SPNS2: variants seen among roughly 807,000 people sequenced by gnomAD.
The protein encoded by SPNS2 is sphingosine-1-phosphate transporter SPNS2.
SPNS2 carries 37 observed loss-of-function variants against 57.6 expected under a neutral mutation model. The ratio of observed to expected loss-of-function variants is 0.64; its 90% confidence interval spans 0.49 to 0.85. The LOEUF (loss-of-function observed/expected upper bound fraction) is 0.85, where lower values mean the gene tolerates loss of function less well. Ranked by LOEUF, SPNS2 falls within the 40% of genes least tolerant of loss-of-function variation. The probability of loss-of-function intolerance (pLI) is 0.00; values close to 1 mark genes in which losing one functional copy is unlikely to be tolerated. For missense variants in SPNS2, 831 were observed against 779.1 expected (o/e 1.07, Z -0.79); for synonymous variants, 440 against 346.9 (o/e 1.27, Z -2.98).
chr17:4,500,175 G>A (rs1904436853), intron 1 of SPNS2, among the ~76,000 whole-genome samples: 1 of 152,214 alleles, frequency 6.6e-6, no homozygotes, highest in Non-Finnish European at 1.5e-5. Flanking sequence ...AGCATCTCTG[G>A]GAATCAGCCT....
intron 1 of SPNS2, among the ~76,000 whole-genome samples, chr17:4,503,114 G>A (rs987447852): frequency 1.3e-5 from 2 of 152,166 alleles, no homozygotes; most frequent in South Asian, 2.1e-4. Context: ...TGCGCAGATG[G>A]GAACACAGCC....
chr17:4,499,190 C>T lies in SPNS2; in HGVS notation c.143C>T (p.Ala48Val). Residue 48 changes from alanine to valine, a missense_variant, in exon 1 of 13, where the codon GCT becomes GTT. Physicochemically the swap from Ala to Val is moderately conservative, Grantham distance 64. Coordinates refer to ENST00000329078, the MANE Select transcript of SPNS2 (RefSeq NM_001124758.3). This position sits in a 1 kb window ranked among gnomAD's most constrained non-coding sequence, Gnocchi z 5.2. ...GCCGARGAGG[A>V]GVSAAGDEVQ... ...TGCGGGGCGCGGGGCGCGGGCGGCG[C>T]TGGAGTCTCGGCCGCGGGCGATGAG... 2 of 1,349,790 alleles carry T rather than the reference C, an allele frequency of 1.5e-6. No individual in the cohort carries two copies. Among genetic ancestry groups the T allele is most frequent in the Non-Finnish European group, 1.9e-6 (2 of 1,051,316 alleles). The allele number at this position is 1,349,790 out of a possible 1,614,324, so 83.6% of individuals were successfully genotyped here.
intron 1 of SPNS2, among the ~76,000 whole-genome samples, chr17:4,508,525 A>G (rs890405634): frequency 6.6e-6 from 1 of 152,084 alleles, no homozygotes; most frequent in Non-Finnish European, 1.5e-5. Flanking sequence ...GTGAAAAGTC[A>G]TGGCTAGCAG....
At chr17:4,527,254 A>G (rs1905283139) in intron 3 of SPNS2, among the ~76,000 whole-genome samples, 1 of 152,268 alleles carries the variant, frequency 6.6e-6, no homozygotes, top group South Asian at 2.1e-4. Flanking sequence ...GAACATTGTG[A>G]AAAAATAACA....
At chr17:4,530,984 A>C in intron 4 of SPNS2, 69 bp from the exon 5 acceptor site, 1 of 1,577,294 alleles carries the variant, frequency 6.3e-7, no homozygotes, top group South Asian at 1.1e-5. Flanking sequence ...CCTGCCTTGC[A>C]GACCAGCGGG....
chr17:4,538,836 C>T lies in SPNS2; in HGVS notation c.*1388C>T. 2.6e-6 allele frequency: 2 copies of T among 777,778 alleles called. No homozygotes were observed. Among genetic ancestry groups the T allele is most frequent in the Admixed American group, 1.7e-5 (1 of 58,568 alleles). The allele number at this position is 777,778 out of a possible 1,614,324, so 48.2% of individuals were successfully genotyped here. A position where few individuals can be genotyped will look rare whatever the true frequency, so the allele number is the denominator to read the frequency against. Reference sequence around the variant, plus strand: ...GTGGCATCCTCCAAAGACCAGCCTCCACCCCCACTCCAGCCTCAGCGGGGC... The same window carrying T: ...GTGGCATCCTCCAAAGACCAGCCTCTACCCCCACTCCAGCCTCAGCGGGGC... On this transcript the variant is annotated 3_prime_UTR_variant, in exon 13 of 13. Coordinates refer to ENST00000329078, the MANE Select transcript of SPNS2 (RefSeq NM_001124758.3).
intron 11 of SPNS2, 73 bp downstream of exon 11, chr17:4,536,499 C>A: frequency 6.6e-7 from 1 of 1,514,986 alleles, no homozygotes. Flanking sequence ...GTGAGCCCTG[C>A]CCTGGGGTGG....
At chr17:4,536,029 C>G in intron 9 of SPNS2, 47 bp from the exon 10 acceptor site, 1 of 1,559,338 alleles carries the variant, frequency 6.4e-7, no homozygotes, top group Non-Finnish European at 8.7e-7. Flanking sequence ...GGGCCAAGCG[C>G]GTGAGCCTTT....
At chr17:4,536,986 A>T (rs1459237770) in intron 12 of SPNS2, 40 bp downstream of exon 12, 1 of 1,608,096 alleles carries the variant, frequency 6.2e-7, no homozygotes, top group African/African-American at 1.3e-5. Context: ...CTCCCTAAGG[A>T]AAGGGGAAGG....
chr17:4,512,822 G>A lies in SPNS2; in HGVS notation c.371-425G>A, dbSNP rs1358853646. ...CCAGAGTGAGCGGCTGCCCCTCCCA[G>A]GCCAGAGGGCTCCCCGCAGCTTTCA... On this transcript the variant is annotated intron_variant, in intron 1 of 12. Transcript: ENST00000329078. The surrounding 1 kb of genome is among the most constrained non-coding windows in gnomAD (Gnocchi z 5.2). Among the ~76,000 whole-genome samples, 2 of 144,728 alleles carry A rather than the reference G, an allele frequency of 1.4e-5. No individual in the cohort carries two copies. Among genetic ancestry groups the A allele is most frequent in the Non-Finnish European group, 3.2e-5 (2 of 62,344 alleles). 94.9% of individuals were successfully genotyped at this position (144,728 alleles called of 152,430 possible).
chr17:4,516,765 G>T lies in SPNS2; in HGVS notation c.436+3453G>T, dbSNP rs1281366739. Among the ~76,000 whole-genome samples, 3 of 152,328 alleles carry T rather than the reference G, an allele frequency of 2.0e-5. No individual in the cohort carries two copies. In the East Asian group the frequency reaches 5.8e-4, roughly 29 times the overall value. On this transcript the variant is annotated intron_variant, in intron 2 of 12. Coordinates refer to ENST00000329078, the MANE Select transcript of SPNS2 (RefSeq NM_001124758.3). ...AAACATGTTGAAATTACAAAGCTGA[G>T]CTTGACAGCTAAAGCTAGCAGGGAA...
intron 2 of SPNS2, 40 bp from the exon 3 acceptor site, chr17:4,525,017 A>C: frequency 6.2e-7 from 1 of 1,600,276 alleles, no homozygotes; most frequent in Non-Finnish European, 8.6e-7. Context: ...GCCGGGGCGC[A>C]GGGACCTGGG....
intron 9 of SPNS2, among the ~76,000 whole-genome samples, chr17:4,535,343 C>T (rs1314660862): frequency 6.6e-6 from 1 of 152,174 alleles, no homozygotes; most frequent in Non-Finnish European, 1.5e-5. Context: ...GCCTCACCAG[C>T]TCCTGTCCCA....
At chr17:4,533,222 C>T (rs773968730) in intron 7 of SPNS2, 21 bp from the exon 8 acceptor site, 1 of 1,586,444 alleles carries the variant, frequency 6.3e-7, no homozygotes, top group East Asian at 2.3e-5. Flanking sequence ...ACTCGTGCGC[C>T]ACCATCCTCT....
rs772818866 is a variant in SPNS2 at position 4,538,979 on chromosome 17, A to C, written c.*1531A>C. 1 of 798,356 alleles carries C rather than the reference A, an allele frequency of 1.3e-6. No homozygotes were observed. The highest frequency in any genetic ancestry group is 2.3e-6 in the Non-Finnish European group (1 of 433,984). 49.5% of individuals were successfully genotyped at this position (798,356 alleles called of 1,614,324 possible). A position where few individuals can be genotyped will look rare whatever the true frequency, so the allele number is the denominator to read the frequency against. On this transcript the variant is annotated 3_prime_UTR_variant, in exon 13 of 13. Transcript: ENST00000329078. The stretch of plus-strand genomic sequence containing the variant: ...TGCTGATTGTGAATCTCAGAGTCTT[A>C]AGAGAGAAGCCAAATATATTCCTCT...
Position 4,536,155 on chromosome 17 carries a change from G to T in SPNS2, c.1424G>T (p.Ser475Ile). ...FTSHLLGDAG[S>I]PYLIGFISDL... ...TCCCACCTGCTGGGGGACGCCGGGAGCCCCTACCTCATTGGCTTTGTGAGT... is the reference window on the plus strand; with the variant it reads ...TCCCACCTGCTGGGGGACGCCGGGATCCCCTACCTCATTGGCTTTGTGAGT... The change falls in exon 10 of 13, where the codon AGC (serine) becomes ATC (isoleucine). Residue 475 changes from serine (S) to isoleucine (I), a missense_variant. Transcript: ENST00000329078. 1 of 1,612,390 alleles carries T rather than the reference G, an allele frequency of 6.2e-7. No homozygotes were observed. Among genetic ancestry groups the T allele is most frequent in the Non-Finnish European group, 8.5e-7 (1 of 1,179,830 alleles).
intron 1 of SPNS2, among the ~76,000 whole-genome samples, chr17:4,504,965 G>C (rs1017238657): frequency 6.6e-6 from 1 of 152,220 alleles, no homozygotes; most frequent in Admixed American, 6.5e-5. Context: ...GGCTCTGCCT[G>C]CACCTCCTTT....
chr17:4,531,182 C>A, intron 5 of SPNS2, 63 bp downstream of exon 5: 1 of 1,535,470 alleles, frequency 6.5e-7, no homozygotes, highest in Non-Finnish European at 9.0e-7. Context: ...CAGGGTTGCC[C>A]AGAGATGTAA....
intron 1 of SPNS2, among the ~76,000 whole-genome samples, chr17:4,507,304 G>A (rs1025406354): frequency 1.7e-4 from 26 of 152,216 alleles, no homozygotes; most frequent in Non-Finnish European, 1.0e-4. Context: ...AGATTGCTAG[G>A]CCCTGTCTTT....
Sources: gnomAD v4.1 joint callset for allele counts (sites outside exome capture counted in the v4.1 genomes callset) on GRCh38, gnomAD v4.1.1 for gene constraint, Gnocchi (gnomAD v3.1) non-coding constraint, MANE v1.5 for transcripts, NCBI Gene and HGNC (gene_info 2026-07-23, HGNC 2026-07-21) for gene names.